Variants in JMJD1C observed in about 807,000 individuals in gnomAD.
JMJD1C encodes the protein jumonji domain-containing protein 1C.
In JMJD1C, 31 loss-of-function variants were observed where a neutral mutation model predicts 245.3. The ratio of observed to expected loss-of-function variants is 0.13; its 90% CI spans 0.09 to 0.17. The LOEUF (loss-of-function observed/expected upper bound fraction) is 0.17. Among genes scored for constraint, JMJD1C ranks in the 10% least tolerant of loss-of-function variants. JMJD1C has a pLI of 1.00. For synonymous variants in JMJD1C, 1,057 were observed against 1,017.4 expected, an observed-to-expected ratio of 1.04 and a Z score of -0.74; for missense variants, 2,691 against 3,000.2, an observed-to-expected ratio of 0.90 and a Z score of 2.41.
At chr10:63,197,612 C>T (rs1845596069) in intron 12 of JMJD1C, 49 bp from the exon 13 acceptor site, 1 of 1,453,818 alleles carries the variant, frequency 6.9e-7, no homozygotes, top group South Asian at 1.5e-5. Context: ...TGCTCTTTTC[C>T]AAGGCAATTT....
At chr10:63,449,114 C>A (rs1477061472) in intron 1 of JMJD1C, among the ~76,000 whole-genome samples, 3 of 150,830 alleles carry the variant, frequency 2.0e-5, no homozygotes, top group Admixed American at 1.3e-4. Flanking sequence ...AAGACTCCGT[C>A]TCAAAAATAA....
At chr10:63,451,362 C>T (rs2133018700) in intron 1 of JMJD1C, among the ~76,000 whole-genome samples, 1 of 152,278 alleles carries the variant, frequency 6.6e-6, no homozygotes, top group Non-Finnish European at 1.5e-5. Context: ...CTCACACTTC[C>T]TGATTTCAAA....
chr10:63,194,251 A>T, intron 14 of JMJD1C, 35 bp downstream of exon 14: 2 of 1,297,524 alleles, frequency 1.5e-6, no homozygotes, highest in Non-Finnish European at 2.2e-6. Flanking sequence ...GGAGCAACCA[A>T]GAGCAGTTAT....
intron 1 of JMJD1C, among the ~76,000 whole-genome samples, chr10:63,483,340 C>T (rs970586849): frequency 6.6e-6 from 1 of 152,200 alleles, no homozygotes; most frequent in African/African-American, 2.4e-5. Flanking sequence ...TGAGCGGTTG[C>T]ATAAGTCTAG....
intron 1 of JMJD1C, among the ~76,000 whole-genome samples, chr10:63,472,155 CCTT>C (rs1198902587): frequency 2.6e-5 from 4 of 151,850 alleles, no homozygotes; most frequent in South Asian, 2.1e-4. Flanking sequence ...ACCTTATATA[CCTT>C]CTTCATCTAT....
intron 2 of JMJD1C, among the ~76,000 whole-genome samples, chr10:63,297,534 T>G (rs1274280509): frequency 6.6e-6 from 1 of 152,194 alleles, no homozygotes; most frequent in Admixed American, 6.5e-5. Context: ...ATGGCAGGAC[T>G]GAAAGGAGCT....
At position 63,336,808 on chromosome 10, in the gene JMJD1C, C is replaced by T. The variant is rs191539090; in HGVS notation, c.333+43510G>A. Among the ~76,000 whole-genome samples, 14 of 152,138 alleles carry T rather than the reference C, an allele frequency of 9.2e-5. No homozygotes were observed. The East Asian group carries it at 2.7e-3, about 29-fold the overall frequency. ...GAGTGTGAGCCAGGAAAAGCTAATT[C>T]CTAATTAGTGCCCACTGCATTCAAC... On this transcript the variant is annotated intron_variant, in intron 2 of 25. Transcript: ENST00000399262.
At chr10:63,307,159 A>C (rs1938367949) in intron 2 of JMJD1C, among the ~76,000 whole-genome samples, 1 of 152,172 alleles carries the variant, frequency 6.6e-6, no homozygotes, top group Non-Finnish European at 1.5e-5. Flanking sequence ...ATTCGTCTAA[A>C]ATTTCCTAAA....
At chr10:63,358,949 CA>C in intron 2 of JMJD1C, 1 of 161,026 alleles carries the variant, frequency 6.2e-6, no homozygotes. Flanking sequence ...GTTGGACCTT[CA>C]AAATAATGAC....
intron 2 of JMJD1C, among the ~76,000 whole-genome samples, chr10:63,285,240 T>C (rs1380643872): frequency 6.6e-6 from 1 of 152,120 alleles, no homozygotes; most frequent in African/African-American, 2.4e-5. Context: ...CTGGAACCAA[T>C]AATTCCTCTC....
Position 63,206,595 on chromosome 10 carries a change from T to C in JMJD1C, c.5074A>G (p.Thr1692Ala). 1.9e-6 allele frequency: 3 copies of C among 1,582,398 alleles called. No homozygotes were observed. Among genetic ancestry groups the C allele is most frequent in the African/African-American group, 1.4e-5 (1 of 73,572 alleles). The change falls in exon 10 of 26, where the codon ACT (threonine) becomes GCT (alanine). Residue 1692 changes from threonine (T) to alanine (A), a missense_variant and splice_region_variant. By Grantham distance (58) the Thr-to-Ala change is moderately conservative. This residue lies in a region of JMJD1C where 144 missense variants were observed against 143.3 expected (regional missense o/e 1.00). Coordinates refer to ENST00000399262, the MANE Select transcript of JMJD1C (RefSeq NM_032776.3). ...AGATAAAACAAAGTAACTGACTTACTATTACTGTTGCTTTGCAACTTCAGT... is the reference window on the plus strand; with the variant it reads ...AGATAAAACAAAGTAACTGACTTACCATTACTGTTGCTTTGCAACTTCAGT... ...SKLKLQSNSN[T>A]GIPRSVLKDW...
intron 2 of JMJD1C, among the ~76,000 whole-genome samples, chr10:63,314,961 T>TTC (rs1554884195): frequency 6.7e-6 from 1 of 148,970 alleles, no homozygotes; most frequent in African/African-American, 2.5e-5. Flanking sequence ...TTTTTGTTTT[T>TTC]TTTTTTTTTT....
At chr10:63,446,300 T>G (rs990095844) in intron 1 of JMJD1C, among the ~76,000 whole-genome samples, 3 of 152,128 alleles carry the variant, frequency 2.0e-5, no homozygotes. Context: ...GGAGTTGCTA[T>G]TTACTGGATA....
Position 63,167,888 on chromosome 10 carries a change from GC to G in JMJD1C, c.*156del, listed in dbSNP as rs1241430759. 1.4e-5 allele frequency: 8 copies of G among 575,104 alleles called. No homozygotes were observed. The highest frequency in any genetic ancestry group is 6.0e-5 in the Admixed American group (2 of 33,390). 35.6% of individuals were successfully genotyped at this position (575,104 alleles called of 1,614,324 possible). A position where few individuals can be genotyped will look rare whatever the true frequency, so the allele number is the denominator to read the frequency against. ...TTGAATCACAGGAGCTGTGACATAT[GC>G]TATACTGCTGTGGTGTCAGTAACAA... On this transcript the variant is annotated 3_prime_UTR_variant, in exon 26 of 26. Transcript: ENST00000399262.
chr10:63,287,513 A>G (rs1457794602), intron 2 of JMJD1C, among the ~76,000 whole-genome samples: 3 of 152,248 alleles, frequency 2.0e-5, no homozygotes, highest in Non-Finnish European at 4.4e-5. Context: ...AGTGATACGG[A>G]TAGTGAAGGT....
At chr10:63,236,307 G>T (rs7917142) in intron 3 of JMJD1C, among the ~76,000 whole-genome samples, 3,276 of 152,164 alleles carry the variant, frequency 0.022, 116 homozygotes, top group African/African-American at 0.073. Context: ...ACTACAATTT[G>T]CTAAGTGTCA....
At chr10:63,205,267 T>C (rs1272377063) in intron 10 of JMJD1C, among the ~76,000 whole-genome samples, 2 of 152,186 alleles carry the variant, frequency 1.3e-5, no homozygotes, top group African/African-American at 4.8e-5. Context: ...ACTGTTTGAA[T>C]GAGCAGCATT....
At chr10:63,439,582 T>G (rs1951245414) in intron 1 of JMJD1C, among the ~76,000 whole-genome samples, 1 of 152,196 alleles carries the variant, frequency 6.6e-6, no homozygotes, top group South Asian at 2.1e-4. Context: ...AGGAGGATAT[T>G]TCTATTGAAC....
intron 3 of JMJD1C, among the ~76,000 whole-genome samples, chr10:63,253,502 G>C (rs1321437591): frequency 1.3e-5 from 2 of 151,724 alleles, no homozygotes. Flanking sequence ...TCCTGCCTCA[G>C]ACTCCCGAGT....
Sources: gnomAD v4.1 joint callset for allele counts (sites outside exome capture counted in the v4.1 genomes callset) on GRCh38, gnomAD v4.1.1 for gene constraint, gnomAD v4.1.1 regional missense constraint, MANE v1.5 for transcripts, NCBI Gene and HGNC (gene_info 2026-07-23, HGNC 2026-07-21) for gene names.